Variants in NCKAP1 observed in about 807,000 individuals in gnomAD.
NCKAP1 encodes nck-associated protein 1.
In NCKAP1, 21 loss-of-function variants were observed where a neutral mutation model predicts 151.2. That is an observed-to-expected ratio of 0.14 (90% CI 0.10 to 0.20). NCKAP1 has a LOEUF of 0.20. Ranked by LOEUF, NCKAP1 falls within the 10% of genes least tolerant of loss-of-function variation. NCKAP1 has a pLI of 1.00. For synonymous variants in NCKAP1, 484 were observed against 451.8 expected (o/e 1.07, Z -0.90); for missense variants, 933 against 1,352.1 (o/e 0.69, Z 4.86).
intron 23 of NCKAP1, among the ~76,000 whole-genome samples, chr2:182,942,709 G>A (rs1697022406): frequency 6.6e-6 from 1 of 151,582 alleles, no homozygotes; most frequent in South Asian, 2.1e-4. Context: ...CTCTTTCACA[G>A]ACCACTGAGA....
chr2:182,967,967 T>G (rs533442567), intron 15 of NCKAP1, among the ~76,000 whole-genome samples: 1 of 152,102 alleles, frequency 6.6e-6, no homozygotes, highest in Non-Finnish European at 1.5e-5. Flanking sequence ...ATCATGTCCA[T>G]GGATAGGGCA....
chr2:182,939,919 G>C (rs1392400556), intron 24 of NCKAP1, among the ~76,000 whole-genome samples: 2 of 152,048 alleles, frequency 1.3e-5, no homozygotes, highest in Non-Finnish European at 2.9e-5. Flanking sequence ...TTTTGGTTTT[G>C]GCCAATTCCA....
chr2:182,993,695 A>G (rs1230772514), intron 8 of NCKAP1, among the ~76,000 whole-genome samples: 4 of 151,978 alleles, frequency 2.6e-5, no homozygotes, highest in African/African-American at 9.7e-5. Flanking sequence ...GGCACAAAGA[A>G]AGGAACAATA....
In NCKAP1 at chr2:182,913,647, G is replaced by A. The variant is rs1696427698; in HGVS notation, c.*12055C>T. 6.6e-6 allele frequency: 1 copy of A among 152,040 alleles called. No homozygotes were observed. The highest frequency in any genetic ancestry group is 2.1e-4 in the South Asian group (1 of 4,820). The allele number at this position is 152,040 out of a possible 1,614,324, so 9.4% of individuals were successfully genotyped here. ...TTACTTTATAAATTACCCAGTCTCG[G>A]GTATTCAGCTATAGCAACAAAAAAT... On this transcript the variant is annotated 3_prime_UTR_variant, in exon 31 of 31. Coordinates refer to ENST00000361354, the MANE Select transcript of NCKAP1 (RefSeq NM_013436.5).
chr2:182,941,782 T>A (rs1305891305), intron 24 of NCKAP1, among the ~76,000 whole-genome samples: 2 of 152,190 alleles, frequency 1.3e-5, no homozygotes, highest in East Asian at 3.8e-4. Flanking sequence ...TAATGTAGAT[T>A]TACTGTATTA....
At chr2:183,023,732 A>C (rs1698837939) in intron 2 of NCKAP1, 74 bp downstream of exon 2, 2 of 1,176,304 alleles carry the variant, frequency 1.7e-6, no homozygotes, top group Non-Finnish European at 2.5e-6. Flanking sequence ...AAGAGCTACT[A>C]TAAGCACTGT....
intron 1 of NCKAP1, chr2:183,024,996 C>A: frequency 6.2e-7 from 1 of 1,612,018 alleles, no homozygotes; most frequent in Non-Finnish European, 8.5e-7. Flanking sequence ...CTTGTCCTTG[C>A]TGGGGAAGCA....
chr2:182,928,035 G>T (rs1440072799), intron 29 of NCKAP1, 82 bp downstream of exon 29: 18 of 977,564 alleles, frequency 1.8e-5, no homozygotes, highest in Non-Finnish European at 2.7e-5. Context: ...AAAATAAAGA[G>T]AATTTATTCT....
chr2:182,963,796 A>G (rs1697505689), intron 17 of NCKAP1, among the ~76,000 whole-genome samples: 1 of 152,148 alleles, frequency 6.6e-6, no homozygotes, highest in African/African-American at 2.4e-5. Flanking sequence ...AATCTAAAAA[A>G]TTCATAAATC....
chr2:183,008,314 A>G (rs1285673802), intron 2 of NCKAP1, among the ~76,000 whole-genome samples: 2 of 152,242 alleles, frequency 1.3e-5, no homozygotes, highest in African/African-American at 4.8e-5. Context: ...CGTGAAGAAT[A>G]CAGGTGAATT....
In NCKAP1 at chr2:182,956,624, T is replaced by C. The variant is rs1450043533; in HGVS notation, c.2022-31A>G. On this transcript the variant is annotated intron_variant, in intron 19 of 30. Transcript: ENST00000361354. The stretch of plus-strand genomic sequence containing the variant: ...AAAAATTAATAAACAGTTAAAATGT[T>C]CACATGTCATCACAGGCAATACAAA... The C allele has an allele frequency of 2.5e-6, 4 of 1,570,656 alleles. No homozygotes were observed. In the Admixed American group the frequency reaches 7.5e-5, roughly 30 times the overall value.
intron 1 of NCKAP1, among the ~76,000 whole-genome samples, chr2:183,027,733 A>G (rs1001454809): frequency 1.3e-5 from 2 of 152,138 alleles, no homozygotes; most frequent in Non-Finnish European, 2.9e-5. Flanking sequence ...CTACCATACT[A>G]AAACAGTATA....
intron 1 of NCKAP1, 98 bp downstream of exon 1, chr2:183,037,894 C>A (rs1312106253): frequency 1.1e-6 from 1 of 919,114 alleles, no homozygotes. Context: ...GATTTCTACA[C>A]CCGGCGCCTC....
At chr2:182,959,774 A>T (rs551186850) in intron 18 of NCKAP1, among the ~76,000 whole-genome samples, 1 of 152,240 alleles carries the variant, frequency 6.6e-6, no homozygotes, top group Non-Finnish European at 1.5e-5. Context: ...AGCGCATTCA[A>T]TTAGGAAAAG....
At chr2:182,985,827 T>C (rs951501416) in intron 10 of NCKAP1, among the ~76,000 whole-genome samples, 2 of 151,630 alleles carry the variant, frequency 1.3e-5, no homozygotes, top group African/African-American at 4.8e-5. Context: ...AAGTAAATAT[T>C]ATCTGTAAGA....
chr2:182,961,040 T>C (rs1697438142), intron 18 of NCKAP1, among the ~76,000 whole-genome samples: 1 of 152,178 alleles, frequency 6.6e-6, no homozygotes, highest in Non-Finnish European at 1.5e-5. Context: ...AGATACCATC[T>C]TACACCAGTT....
In NCKAP1 at chr2:182,914,721, A is replaced by G. The variant is rs1002284570; in HGVS notation, c.*10981T>C. The G allele has an allele frequency of 7.2e-5, 11 of 152,198 alleles. No individual in the cohort carries two copies. The highest frequency in any genetic ancestry group is 2.7e-4 in the African/African-American group (11 of 41,444). 9.4% of individuals were successfully genotyped at this position (152,198 alleles called of 1,614,324 possible). ...GTAAAAAGGAACAAATTCCCCTCTA[A>G]TAAATTACCCCCACAGAAAATATGC... is the stretch of plus-strand genomic sequence containing the variant. On this transcript the variant is annotated 3_prime_UTR_variant, in exon 31 of 31. Transcript: ENST00000361354.
intron 2 of NCKAP1, among the ~76,000 whole-genome samples, chr2:183,012,031 T>C (rs180768007): frequency 2.0e-4 from 30 of 152,324 alleles, no homozygotes; most frequent in Admixed American, 9.8e-4. Context: ...TTTTTCTTTT[T>C]GGTTTGGTTG....
intron 2 of NCKAP1, among the ~76,000 whole-genome samples, chr2:183,020,279 A>G (rs910002556): frequency 1.3e-5 from 2 of 151,928 alleles, no homozygotes; most frequent in African/African-American, 4.8e-5. Flanking sequence ...CCTGGTCAAC[A>G]TAGCAAGACC....
Sources: allele counts gnomAD v4.1 joint callset (sites outside exome capture counted in the v4.1 genomes callset), GRCh38; gene constraint gnomAD v4.1.1; transcripts MANE v1.5; gene names NCBI Gene and HGNC (gene_info 2026-07-23, HGNC 2026-07-21).